Variants in TRPM8 observed in about 807,000 individuals in gnomAD.
TRPM8 encodes the protein TRPM8 cationic channel.
A neutral mutation model predicts 133.7 loss-of-function variants in TRPM8; 110 were observed. That is an observed-to-expected ratio of 0.82 (90% CI 0.70 to 0.96). TRPM8 has a LOEUF of 0.96. Ranked by LOEUF, TRPM8 falls within the 40% of genes least tolerant of loss-of-function variation. The pLI is 0.00. For missense variants in TRPM8, 1,291 were observed against 1,379.5 expected (o/e 0.94, Z 1.02); for synonymous variants, 535 against 532.3 (o/e 1.01, Z -0.07).
chr2:233,960,322 G>A (rs1038445279), intron 11 of TRPM8, among the ~76,000 whole-genome samples: 6 of 152,172 alleles, frequency 3.9e-5, no homozygotes, highest in South Asian at 2.1e-4. Context: ...ACAGTGCAGC[G>A]TAGAGACAGC....
chr2:234,001,118 C>A (rs921275683), intron 22 of TRPM8, among the ~76,000 whole-genome samples: 4 of 152,108 alleles, frequency 2.6e-5, no homozygotes, highest in African/African-American at 9.7e-5. Context: ...TCTCTGCATC[C>A]CTGTGTCTTT....
chr2:233,961,337 G>T (rs549640956), intron 12 of TRPM8, among the ~76,000 whole-genome samples: 1 of 151,998 alleles, frequency 6.6e-6, no homozygotes, highest in South Asian at 2.1e-4. Context: ...ATGGAGTCTC[G>T]CTCTGTCACC....
At position 233,986,887 on chromosome 2, in the gene TRPM8, A is replaced by G. The variant is rs1010690106; in HGVS notation, c.2939+1022A>G. ...CATAAAAAAGGACTTAATCTTGTGG[A>G]TAGGAAAGTTCAGGTGGAAACAATG... On this transcript the variant is annotated intron_variant, in intron 21 of 25. Transcript: ENST00000324695. Among the ~76,000 whole-genome samples the G allele has an allele frequency of 3.9e-5, 6 of 152,228 alleles. 1 individual carries two copies. The highest frequency in any genetic ancestry group is 7.2e-5 in the African/African-American group (3 of 41,456).
At chr2:233,964,576 A>G in intron 13 of TRPM8, 52 bp from the exon 14 acceptor site, 1 of 1,322,566 alleles carries the variant, frequency 7.6e-7, no homozygotes, top group Non-Finnish European at 9.9e-7. Flanking sequence ...AAAAAAAAAA[A>G]AGAAAAGGAA....
At chr2:233,939,843 T>G (rs919887380) in intron 5 of TRPM8, among the ~76,000 whole-genome samples, 4 of 152,206 alleles carry the variant, frequency 2.6e-5, no homozygotes, top group African/African-American at 9.7e-5. Flanking sequence ...ATCATGATCC[T>G]TAACCCCCTA....
chr2:234,000,897 C>T (rs549702079), intron 22 of TRPM8, among the ~76,000 whole-genome samples: 11 of 152,110 alleles, frequency 7.2e-5, no homozygotes, highest in South Asian at 2.1e-4. Context: ...AGAATGGTCT[C>T]GAACTCCTGG....
At chr2:233,963,433 T>G in intron 13 of TRPM8, 56 bp downstream of exon 13, 1 of 1,091,756 alleles carries the variant, frequency 9.2e-7, no homozygotes, top group Non-Finnish European at 1.3e-6. Context: ...GTTATAACAG[T>G]TCTGATCCTC....
intron 20 of TRPM8, 29 bp downstream of exon 20, chr2:233,983,253 A>G: frequency 6.2e-7 from 1 of 1,613,652 alleles, no homozygotes; most frequent in Non-Finnish European, 8.5e-7. Flanking sequence ...AGATGGAAAC[A>G]GCTTGGAGGA....
intron 21 of TRPM8, among the ~76,000 whole-genome samples, chr2:233,995,263 T>A (rs1692375114): frequency 6.6e-6 from 1 of 152,228 alleles, no homozygotes; most frequent in Non-Finnish European, 1.5e-5. Context: ...TGTTTGTAGA[T>A]TAAGCCAGTT....
Position 233,930,712 on chromosome 2 carries a change from T to C in TRPM8, c.162T>C (p.Cys54=). 1 of 1,609,920 alleles carries C rather than the reference T, an allele frequency of 6.2e-7. No homozygotes were observed. Among genetic ancestry groups the C allele is most frequent in the Non-Finnish European group, 8.5e-7 (1 of 1,177,116 alleles). The change falls in exon 3 of 26, where the codon TGT becomes TGC. Residue 54 remains cysteine (C), a synonymous_variant. Transcript: ENST00000324695. ...AAGCAAATTTTAAGAAACGAGAATG[T>C]GTCTTCTTTACCAAAGATTCCAAGG... The part of the protein sequence containing the change: ...FIQANFKKRE[C]VFFTKDSKAT...
intron 8 of TRPM8, chr2:233,947,443 T>C (rs185431124): frequency 1.4e-6 from 2 of 1,415,004 alleles, no homozygotes; most frequent in East Asian, 3.6e-5. Context: ...ACTTAAAGAT[T>C]GTAACCGGCA....
chr2:234,014,634 G>A lies in TRPM8; in HGVS notation c.*22G>A. The A allele has an allele frequency of 7.1e-7, 1 of 1,402,484 alleles. No homozygotes were observed. 86.9% of individuals were successfully genotyped at this position (1,402,484 alleles called of 1,614,324 possible). On this transcript the variant is annotated 3_prime_UTR_variant, in exon 25 of 26. Coordinates refer to ENST00000324695, the MANE Select transcript of TRPM8 (RefSeq NM_024080.5). Reference sequence around the variant, plus strand: ...ATAAAACTGTATGAACTCTAATGGAGAAAAATCTAATTATAGCAAGGTGAG... The same window carrying A: ...ATAAAACTGTATGAACTCTAATGGAAAAAAATCTAATTATAGCAAGGTGAG...
At chr2:233,945,833 A>G in intron 6 of TRPM8, 23 bp from the exon 7 acceptor site, 1 of 1,597,598 alleles carries the variant, frequency 6.3e-7, no homozygotes, top group Non-Finnish European at 8.6e-7. Flanking sequence ...AATCTCAAAG[A>G]CAAGTTTCCC....
In TRPM8 at chr2:233,945,875, ACCTT is replaced by A; in HGVS notation, c.720_723del (p.Tyr240Ter). Reference sequence around the variant, plus strand: ...TTTCAGGGCTATTTTTTAGCCCAGTACCTTATGGATGACTTCACAAGAGATCCAC... The same window carrying A: ...TTTCAGGGCTATTTTTTAGCCCAGTAATGGATGACTTCACAAGAGATCCAC... On this transcript the variant is annotated frameshift_variant, in exon 7 of 26. Coordinates refer to ENST00000324695, the MANE Select transcript of TRPM8 (RefSeq NM_024080.5). LOFTEE classifies it high-confidence loss of function. 6.2e-7 allele frequency: 1 copy of A among 1,613,912 alleles called. No homozygotes were observed. Among genetic ancestry groups the A allele is most frequent in the Non-Finnish European group, 8.5e-7 (1 of 1,179,832 alleles).
rs1691555316 is a variant in TRPM8, at chr2:233,927,754, CTTTCT to C, written c.117+1103_117+1107del. On this transcript the variant is annotated intron_variant, in intron 2 of 25. Coordinates refer to ENST00000324695, the MANE Select transcript of TRPM8 (RefSeq NM_024080.5). ...TCTTTCTTTCTTTCTTTCTTTCTTT[CTTTCT>C]TTCTTTCTTTCTTTCTTTCTTTCTT... is the stretch of plus-strand genomic sequence containing the variant. Among the ~76,000 whole-genome samples, 5 of 66,922 alleles carry C rather than the reference CTTTCT, an allele frequency of 7.5e-5. No homozygotes were observed. The African/African-American group carries it at 9.9e-4, about 13-fold the overall frequency. The allele number at this position is 66,922 out of a possible 152,430, so 43.9% of individuals were successfully genotyped here. A position where few individuals can be genotyped will look rare whatever the true frequency, so the allele number is the denominator to read the frequency against.
At chr2:234,007,677 A>G (rs1692727483) in intron 23 of TRPM8, among the ~76,000 whole-genome samples, 1 of 152,194 alleles carries the variant, frequency 6.6e-6, no homozygotes, top group African/African-American at 2.4e-5. Flanking sequence ...AAGCACAACT[A>G]ATACCTTTGC....
intron 21 of TRPM8, among the ~76,000 whole-genome samples, chr2:233,986,750 C>T (rs1239222633): frequency 6.6e-6 from 1 of 152,088 alleles, no homozygotes; most frequent in Non-Finnish European, 1.5e-5. Context: ...AGGCTTTTAT[C>T]TCCTAATATA....
At chr2:233,938,827 G>C (rs1690827220) in intron 4 of TRPM8, among the ~76,000 whole-genome samples, 171 bp from the exon 5 acceptor site, 2 of 152,044 alleles carry the variant, frequency 1.3e-5, no homozygotes, top group Admixed American at 6.5e-5. Flanking sequence ...TCCTCATGGG[G>C]CCTTGGCACG....
intron 5 of TRPM8, among the ~76,000 whole-genome samples, chr2:233,940,154 T>C (rs7595960): frequency 2.0e-5 from 3 of 151,790 alleles, no homozygotes; most frequent in African/African-American, 7.3e-5. Flanking sequence ...CTGTCTCTCA[T>C]TGTGGATTTG....
Sources: allele counts gnomAD v4.1 joint callset (sites outside exome capture counted in the v4.1 genomes callset), GRCh38; gene constraint gnomAD v4.1.1; transcripts MANE v1.5; gene names NCBI Gene and HGNC (gene_info 2026-07-23, HGNC 2026-07-21).